Variants in CSMD1 observed in about 807,000 individuals in gnomAD.
The protein encoded by CSMD1 is CUB and sushi domain-containing protein 1.
A neutral mutation model predicts 417.5 loss-of-function variants in CSMD1; 213 were observed. The ratio of observed to expected loss-of-function variants is 0.51; its 90% CI spans 0.46 to 0.57. The LOEUF (loss-of-function observed/expected upper bound fraction) is 0.57. Among genes scored for constraint, CSMD1 ranks in the 20% least tolerant of loss-of-function variants. CSMD1 has a pLI of 0.00. For synonymous variants in CSMD1, 2,862 were observed against 1,736.8 expected (o/e 1.65, Z -16.11); for missense variants, 6,923 against 4,529.7 (o/e 1.53, Z -15.17).
intron 2 of CSMD1, among the ~76,000 whole-genome samples, chr8:4,524,689 C>T (rs920166769): frequency 3.4e-5 from 5 of 148,848 alleles, no homozygotes; most frequent in East Asian, 2.0e-4. Flanking sequence ...ACAATAAATA[C>T]GCCCAGAGTT....
At chr8:3,773,582 C>A (rs74299107) in intron 5 of CSMD1, among the ~76,000 whole-genome samples, 3 of 152,120 alleles carry the variant, frequency 2.0e-5, no homozygotes, top group African/African-American at 7.2e-5. Flanking sequence ...CCACCACACC[C>A]GTCCTATAAT....
At chr8:4,865,961 A>G (rs1802401387) in intron 1 of CSMD1, among the ~76,000 whole-genome samples, 1 of 151,940 alleles carries the variant, frequency 6.6e-6, no homozygotes, top group South Asian at 2.1e-4. Context: ...TTAAAAATAT[A>G]TTTACACAGG....
chr8:4,136,577 T>G (rs980279695), intron 3 of CSMD1, among the ~76,000 whole-genome samples: 2 of 152,170 alleles, frequency 1.3e-5, no homozygotes, highest in Admixed American at 1.3e-4. Context: ...TTTACAGTAT[T>G]TCAGAAGATG....
At chr8:2,944,962 G>A (rs1223633927) in intron 68 of CSMD1, among the ~76,000 whole-genome samples, 1 of 152,062 alleles carries the variant, frequency 6.6e-6, no homozygotes, top group Non-Finnish European at 1.5e-5. Flanking sequence ...TGAAAACAAA[G>A]AACAACACGT....
intron 4 of CSMD1, among the ~76,000 whole-genome samples, chr8:4,007,055 G>C (rs1816182971): frequency 6.6e-6 from 1 of 151,832 alleles, no homozygotes; most frequent in African/African-American, 2.4e-5. Flanking sequence ...AGCCAGGATG[G>C]TCTCGATCTC....
intron 3 of CSMD1, among the ~76,000 whole-genome samples, chr8:4,185,662 G>A (rs904728607): frequency 6.6e-6 from 1 of 152,160 alleles, no homozygotes; most frequent in African/African-American, 2.4e-5. Flanking sequence ...TTTTAACATA[G>A]TCACGTAAAT....
intron 3 of CSMD1, among the ~76,000 whole-genome samples, chr8:4,082,427 C>G (rs368191812): frequency 3.3e-5 from 5 of 152,014 alleles, no homozygotes; most frequent in Admixed American, 6.6e-5. Flanking sequence ...TTTAAGAAAT[C>G]TTTTGAAAAT....
At chr8:4,288,619 G>T (rs75963450) in intron 3 of CSMD1, among the ~76,000 whole-genome samples, 4,423 of 152,260 alleles carry the variant, frequency 0.029, 226 homozygotes, top group African/African-American at 0.1. Context: ...CTGGGTTCAA[G>T]GTGAAGGATG....
At chr8:3,366,754 C>T (rs17065961) in intron 20 of CSMD1, among the ~76,000 whole-genome samples, 34,682 of 151,994 alleles carry the variant, frequency 0.23, 4,006 homozygotes, top group Middle Eastern at 0.28. Context: ...GTGAGAAGGG[C>T]TTTGCAGAAT....
intron 10 of CSMD1, among the ~76,000 whole-genome samples, chr8:3,551,348 G>C (rs1018377735): frequency 2.6e-5 from 4 of 152,048 alleles, no homozygotes; most frequent in African/African-American, 7.2e-5. Context: ...ACACACTTTA[G>C]AGTTTGTGAG....
chr8:3,172,722 T>C (rs1206474816), intron 37 of CSMD1, among the ~76,000 whole-genome samples: 1 of 152,158 alleles, frequency 6.6e-6, no homozygotes, highest in African/African-American at 2.4e-5. Context: ...ACATGCACTC[T>C]GTGAAGGTCA....
intron 8 of CSMD1, among the ~76,000 whole-genome samples, chr8:3,597,636 C>G (rs1390943474): frequency 6.6e-6 from 1 of 152,178 alleles, no homozygotes; most frequent in African/African-American, 2.4e-5. Flanking sequence ...CACATATACA[C>G]CATGGAATAC....
At chr8:4,920,351 A>G (rs1474626680) in intron 1 of CSMD1, among the ~76,000 whole-genome samples, 2 of 152,228 alleles carry the variant, frequency 1.3e-5, no homozygotes, top group South Asian at 2.1e-4. Flanking sequence ...TATTAATAAC[A>G]AAGTATTTAG....
intron 10 of CSMD1, among the ~76,000 whole-genome samples, chr8:3,530,176 A>G (rs1410253115): frequency 6.6e-6 from 1 of 152,040 alleles, no homozygotes; most frequent in Non-Finnish European, 1.5e-5. Flanking sequence ...CTCTCCTCCA[A>G]TCTTTATTAA....
At chr8:3,776,144 C>T (rs1584980867) in intron 5 of CSMD1, among the ~76,000 whole-genome samples, 1 of 152,290 alleles carries the variant, frequency 6.6e-6, no homozygotes, top group East Asian at 1.9e-4. Context: ...ACACTCTGCT[C>T]ATCTGCACAT....
chr8:3,652,698 G>A (rs905139245), intron 7 of CSMD1, among the ~76,000 whole-genome samples: 11 of 152,170 alleles, frequency 7.2e-5, no homozygotes, highest in Admixed American at 3.3e-4. Context: ...AACTGCCCAT[G>A]TGATTCAATT....
At chr8:3,790,536 T>C (rs560294371) in intron 5 of CSMD1, among the ~76,000 whole-genome samples, 2 of 152,294 alleles carry the variant, frequency 1.3e-5, no homozygotes, top group South Asian at 2.1e-4. Context: ...ATGGTGATAA[T>C]AACAACAGAA....
chr8:3,425,212 A>G (rs1353816530), intron 12 of CSMD1, among the ~76,000 whole-genome samples: 2 of 152,196 alleles, frequency 1.3e-5, no homozygotes, highest in Admixed American at 1.3e-4. Context: ...GAGAAAGCAT[A>G]ATACATATGG....
At chr8:4,001,151 C>G (rs146016177) in intron 4 of CSMD1, among the ~76,000 whole-genome samples, 1 of 152,028 alleles carries the variant, frequency 6.6e-6, no homozygotes, top group East Asian at 1.9e-4. Flanking sequence ...TTGAAATAGT[C>G]GTATTTATGT....
Sources: allele counts gnomAD v4.1 joint callset (sites outside exome capture counted in the v4.1 genomes callset), GRCh38; gene constraint gnomAD v4.1.1; transcripts MANE v1.5; gene names NCBI Gene and HGNC (gene_info 2026-07-23, HGNC 2026-07-21).